Variants in CADM2 observed in about 807,000 individuals in gnomAD.
The protein encoded by CADM2 is immunoglobulin superfamily member 4D.
CADM2 carries 12 observed loss-of-function variants against 49.8 expected under a neutral mutation model. The observed-to-expected ratio is 0.24, with a 90% CI of 0.15 to 0.39. The LOEUF (loss-of-function observed/expected upper bound fraction) is 0.39, where lower values mean the gene tolerates loss of function less well. CADM2 is among the 10% of genes least tolerant of loss of function. The probability of loss-of-function intolerance (pLI) is 1.00; values close to 1 mark genes in which losing one functional copy is unlikely to be tolerated. For synonymous variants in CADM2, 214 were observed against 175.4 expected (o/e 1.22, Z -1.74); for missense variants, 378 against 492.3 (o/e 0.77, Z 2.20).
intron 1 of CADM2, among the ~76,000 whole-genome samples, chr3:85,679,292 G>C (rs1030487538): frequency 6.6e-6 from 1 of 152,044 alleles, no homozygotes; most frequent in African/African-American, 2.4e-5. Flanking sequence ...CTAAGTATGC[G>C]CAGAGGATCT....
intron 5 of CADM2, among the ~76,000 whole-genome samples, chr3:85,906,875 A>G (rs1390334740): frequency 6.6e-6 from 1 of 151,614 alleles, no homozygotes; most frequent in Non-Finnish European, 1.5e-5. Flanking sequence ...TAAGACACAC[A>G]CAAAAAAGTA....
In CADM2 at chr3:85,672,071, G is replaced by A. The variant is rs1161283480; in HGVS notation, c.62-54451G>A. On this transcript the variant is annotated intron_variant, in intron 1 of 9. Transcript: ENST00000383699. Reference sequence around the variant, plus strand: ...AATAAATATTTATTAAATGAATGAAGCAAGACATTAATGTAGGAAAATGTG... The same window carrying A: ...AATAAATATTTATTAAATGAATGAAACAAGACATTAATGTAGGAAAATGTG... Among the ~76,000 whole-genome samples the A allele has an allele frequency of 2.0e-5, 3 of 152,014 alleles. No individual in the cohort carries two copies. In the East Asian group the frequency reaches 5.8e-4, roughly 29 times the overall value.
At chr3:85,582,072 C>A (rs527951846) in intron 1 of CADM2, among the ~76,000 whole-genome samples, 1 of 151,970 alleles carries the variant, frequency 6.6e-6, no homozygotes, top group South Asian at 2.1e-4. Flanking sequence ...ACTACAGGCA[C>A]GCGCCACCAA....
At chr3:85,843,929 T>C (rs748558822) in intron 3 of CADM2, among the ~76,000 whole-genome samples, 2 of 151,936 alleles carry the variant, frequency 1.3e-5, no homozygotes, top group South Asian at 4.2e-4. Flanking sequence ...AAAACAAACC[T>C]GATGCTCTTA....
At chr3:85,096,410 A>G (rs2037796270) in intron 1 of CADM2, among the ~76,000 whole-genome samples, 2 of 151,644 alleles carry the variant, frequency 1.3e-5, no homozygotes. Context: ...ATTCTACAGA[A>G]GTCAATGTGA....
intron 5 of CADM2, among the ~76,000 whole-genome samples, chr3:85,888,969 A>G (rs568482788): frequency 6.6e-6 from 1 of 152,154 alleles, no homozygotes. Flanking sequence ...ACTCCCTAGC[A>G]TAAAATAAGG....
intron 1 of CADM2, among the ~76,000 whole-genome samples, chr3:85,410,707 A>C (rs1319776942): frequency 6.6e-6 from 1 of 152,180 alleles, no homozygotes; most frequent in Non-Finnish European, 1.5e-5. Context: ...GGCAATTTGG[A>C]GTGAAAAGAG....
At chr3:85,946,016 A>G (rs1722644980) in intron 7 of CADM2, among the ~76,000 whole-genome samples, 1 of 152,154 alleles carries the variant, frequency 6.6e-6, no homozygotes, top group South Asian at 2.1e-4. Context: ...ACATGATTGT[A>G]TATCTAGAAA....
chr3:85,543,197 C>A (rs1049498437), intron 1 of CADM2, among the ~76,000 whole-genome samples: 2 of 151,860 alleles, frequency 1.3e-5, no homozygotes, highest in African/African-American at 4.8e-5. Context: ...GGTACCTTGC[C>A]TCCTACACCC....
rs144503609 is a variant in CADM2 at position 85,886,194 on chromosome 3, T to A, written c.396T>A (p.Val132=). Residue 132 remains valine (V), a synonymous_variant, in exon 5 of 10, where the codon GTT becomes GTA. Transcript: ENST00000383699. ...CATCATTCGCTTAAATTTCAGGTGTTCCTGAAAAGCCTCAGATTAGTGGAT... is the reference window on the plus strand; with the variant it reads ...CATCATTCGCTTAAATTTCAGGTGTACCTGAAAAGCCTCAGATTAGTGGAT... ...TSKAYLTVLG[V]PEKPQISGFS... 3.7e-5 allele frequency: 59 copies of A among 1,612,588 alleles called. No individual in the cohort carries two copies. Among genetic ancestry groups the A allele is most frequent in the Non-Finnish European group, 4.9e-5 (58 of 1,179,012 alleles).
chr3:85,132,898 G>T (rs971262454), intron 1 of CADM2, among the ~76,000 whole-genome samples: 2 of 152,160 alleles, frequency 1.3e-5, no homozygotes, highest in African/African-American at 4.8e-5. Flanking sequence ...CGCGGACCCT[G>T]GCGGTGAGTG....
intron 1 of CADM2, among the ~76,000 whole-genome samples, chr3:85,686,258 T>C (rs2066212687): frequency 6.6e-6 from 1 of 152,200 alleles, no homozygotes; most frequent in Non-Finnish European, 1.5e-5. Context: ...GGTTTGAGTT[T>C]TATCTTAAGT....
chr3:85,405,710 A>T (rs1039261976), intron 1 of CADM2, among the ~76,000 whole-genome samples: 15 of 151,956 alleles, frequency 9.9e-5, no homozygotes, highest in Admixed American at 3.3e-4. Flanking sequence ...GTTTTTTTTT[A>T]AATTTTAATT....
chr3:85,073,365 T>C (rs2036827240), intron 1 of CADM2, among the ~76,000 whole-genome samples: 1 of 152,310 alleles, frequency 6.6e-6, no homozygotes, highest in Non-Finnish European at 1.5e-5. Context: ...TACACTTCTC[T>C]AAGTAACCAA....
intron 2 of CADM2, among the ~76,000 whole-genome samples, chr3:85,761,243 A>T (rs1470876195): frequency 5.3e-5 from 8 of 152,172 alleles, no homozygotes; most frequent in African/African-American, 1.7e-4. Context: ...TCTAACACAC[A>T]TAAGGTTTCC....
At position 85,863,982 on chromosome 3, in the gene CADM2, G is replaced by A. The variant is rs187005440; in HGVS notation, c.239-19309G>A. 8.5e-5 allele frequency among the ~76,000 whole-genome samples: 13 copies of A among 152,220 alleles called. No individual in the cohort carries two copies. In the East Asian group the frequency reaches 1.9e-3, roughly 23 times the overall value. On this transcript the variant is annotated intron_variant, in intron 3 of 9. Coordinates refer to ENST00000383699, the MANE Select transcript of CADM2 (RefSeq NM_001167675.2). The stretch of plus-strand genomic sequence containing the variant: ...CATGTGTGGAATATGGAAGGGCTGC[G>A]TGTATTGGTTATGAAAACGTGAAGA...
intron 1 of CADM2, among the ~76,000 whole-genome samples, chr3:85,350,015 C>G (rs1351826663): frequency 6.6e-6 from 1 of 152,154 alleles, no homozygotes; most frequent in African/African-American, 2.4e-5. Context: ...AATGAACAAT[C>G]AAAACCTTTG....
intron 1 of CADM2, among the ~76,000 whole-genome samples, chr3:85,293,958 G>T (rs1330472343): frequency 6.6e-6 from 1 of 152,084 alleles, no homozygotes; most frequent in African/African-American, 2.4e-5. Flanking sequence ...GCAGGAAAAG[G>T]AAATGAAGGG....
chr3:85,980,099 A>G (rs1474073100), intron 8 of CADM2, among the ~76,000 whole-genome samples: 2 of 151,494 alleles, frequency 1.3e-5, no homozygotes, highest in East Asian at 1.9e-4. Flanking sequence ...TAATTTCTAC[A>G]TAAGCAGTGC....
Sources: gnomAD v4.1 joint callset for allele counts (sites outside exome capture counted in the v4.1 genomes callset) on GRCh38, gnomAD v4.1.1 for gene constraint, MANE v1.5 for transcripts, NCBI Gene and HGNC (gene_info 2026-07-23, HGNC 2026-07-21) for gene names.